TENM1: variants seen among roughly 807,000 people sequenced by gnomAD.
TENM1 encodes teneurin transmembrane protein 1, also known as teneurin-1.
TENM1 carries 35 observed loss-of-function variants against 174.8 expected under a neutral mutation model. The ratio of observed to expected loss-of-function variants is 0.20; its 90% CI spans 0.15 to 0.27. The LOEUF (loss-of-function observed/expected upper bound fraction) is 0.27, where lower values mean the gene tolerates loss of function less well. Ranked by LOEUF, TENM1 falls within the 10% of genes least tolerant of loss-of-function variation. The pLI is 1.00. For missense variants in TENM1, 1,633 were observed against 2,130.1 expected, an observed-to-expected ratio of 0.77 and a Z score of 4.59; for synonymous variants, 781 against 798.7, an observed-to-expected ratio of 0.98 and a Z score of 0.37.
At chrX:125,187,885 A>G in the TENM1 span, among the ~76,000 whole-genome samples, 1 of 112,149 alleles carries the variant, frequency 8.9e-6, no homozygotes, top group Non-Finnish European at 1.9e-5. Context: ...AGTAACCACA[A>G]TGTGAGTTGA....
At chrX:124,399,875 G>T (rs2060380654) in intron 27 of TENM1, among the ~76,000 whole-genome samples, 1 of 111,724 alleles carries the variant, frequency 9.0e-6, no homozygotes, top group African/African-American at 3.3e-5. Context: ...AGGAGACTGA[G>T]GTGGGAGATT....
intron 3 of TENM1, among the ~76,000 whole-genome samples, chrX:124,769,559 C>A (rs1450267458): frequency 1.8e-5 from 2 of 111,742 alleles, no homozygotes; most frequent in African/African-American, 6.5e-5. Context: ...AACATGAACA[C>A]ATATTTAATA....
intron 1 of TENM1, among the ~76,000 whole-genome samples, chrX:124,944,667 T>G (rs2147763446): frequency 9.2e-6 from 1 of 108,546 alleles, no homozygotes; most frequent in Non-Finnish European, 1.9e-5. Context: ...GTTCAAACAC[T>G]GGGACTCAGC....
chrX:124,661,939 A>C (rs1317115021), intron 6 of TENM1, among the ~76,000 whole-genome samples: 2 of 111,238 alleles, frequency 1.8e-5, no homozygotes, highest in African/African-American at 6.6e-5. Flanking sequence ...AGATGCTACC[A>C]CACTTACTGT....
chrX:125,098,522 C>CA, the TENM1 span, among the ~76,000 whole-genome samples: 4 of 111,799 alleles, frequency 3.6e-5, no homozygotes, highest in African/African-American at 1.3e-4. Flanking sequence ...TAAATTCCAA[C>CA]AAAAAATGGC....
At chrX:124,732,931 A>T (rs867954105) in intron 4 of TENM1, among the ~76,000 whole-genome samples, 11 of 111,575 alleles carry the variant, frequency 9.9e-5, no homozygotes, top group Middle Eastern at 4.6e-3. Context: ...GTTCCCGGGG[A>T]CTGACAACAC....
intron 11 of TENM1, among the ~76,000 whole-genome samples, chrX:124,566,504 G>A (rs1943534979): frequency 8.9e-6 from 1 of 112,187 alleles, no homozygotes; most frequent in African/African-American, 3.2e-5. Flanking sequence ...GCTGGAGGAA[G>A]AGAAGTAGGA....
chrX:124,754,693 G>T (rs1254269748), intron 3 of TENM1, among the ~76,000 whole-genome samples: 1 of 108,518 alleles, frequency 9.2e-6, no homozygotes, highest in East Asian at 2.9e-4. Context: ...TTGTGTCTTT[G>T]TTCTCGTTGG....
chrX:124,870,170 C>A (rs112941557), intron 3 of TENM1, among the ~76,000 whole-genome samples: 4,708 of 111,509 alleles, frequency 0.042, 229 homozygotes, highest in African/African-American at 0.15. Flanking sequence ...TCAATCAAAA[C>A]CAGTTATTCA....
chrX:124,799,828 C>T (rs1603211474), intron 3 of TENM1, among the ~76,000 whole-genome samples: 1 of 111,215 alleles, frequency 9.0e-6, no homozygotes. Flanking sequence ...TTGAATTTTA[C>T]CAAAGGCTTT....
At chrX:124,773,423 C>CAA (rs754228033) in intron 3 of TENM1, among the ~76,000 whole-genome samples, 24 of 62,761 alleles carry the variant, frequency 3.8e-4, no homozygotes, top group African/African-American at 1.0e-3. Flanking sequence ...TTTTAGCCTA[C>CAA]AAAAAAAAAA....
the TENM1 span, among the ~76,000 whole-genome samples, chrX:125,151,869 T>C: frequency 8.9e-6 from 1 of 111,893 alleles, no homozygotes; most frequent in East Asian, 2.8e-4. Flanking sequence ...CAAATGTCAA[T>C]AGTGTCTATG....
intron 3 of TENM1, among the ~76,000 whole-genome samples, chrX:124,831,982 C>G (rs944839366): frequency 9.0e-6 from 1 of 111,160 alleles, no homozygotes; most frequent in Non-Finnish European, 1.9e-5. Context: ...AGGGCTTTGC[C>G]GAGACACTAA....
In TENM1 at chrX:124,600,042, A is replaced by G. The variant is rs778891515; in HGVS notation, c.2078-34482T>C. ...TATATATATATGTGTGTGTGTGTGTATATATATATATAAATGTATGTGTAT... is the reference window on the plus strand; with the variant it reads ...TATATATATATGTGTGTGTGTGTGTGTATATATATATAAATGTATGTGTAT... On this transcript the variant is annotated intron_variant, in intron 11 of 31. Coordinates refer to ENST00000422452, the Ensembl canonical transcript of TENM1. Among the ~76,000 whole-genome samples, 10 of 108,099 alleles carry G rather than the reference A, an allele frequency of 9.3e-5. No individual in the cohort carries two copies. In the East Asian group the frequency reaches 1.1e-3, roughly 12 times the overall value. 93.9% of individuals were successfully genotyped at this position (108,099 alleles called of 115,157 possible).
At chrX:125,052,180 A>T in the TENM1 span, among the ~76,000 whole-genome samples, 1 of 111,872 alleles carries the variant, frequency 8.9e-6, no homozygotes, top group African/African-American at 3.2e-5. Context: ...CAGAAACAAT[A>T]TCAAATGTCA....
At chrX:125,166,090 A>G in the TENM1 span, among the ~76,000 whole-genome samples, 1 of 111,470 alleles carries the variant, frequency 9.0e-6, no homozygotes, top group East Asian at 2.8e-4. Flanking sequence ...TAAAAACAAT[A>G]TTAAATATAT....
chrX:125,047,088 C>T, the TENM1 span, among the ~76,000 whole-genome samples: 1 of 110,728 alleles, frequency 9.0e-6, no homozygotes, highest in Non-Finnish European at 1.9e-5. Context: ...CTTCGAGAGG[C>T]CACAAACTGA....
chrX:124,426,114 C>A (rs972624635), intron 23 of TENM1, among the ~76,000 whole-genome samples: 4 of 109,094 alleles, frequency 3.7e-5, no homozygotes, highest in African/African-American at 1.3e-4. Context: ...CATGGCTTCA[C>A]CTTAGTTCCT....
chrX:124,774,437 A>G (rs2054734744), intron 3 of TENM1, among the ~76,000 whole-genome samples: 1 of 111,797 alleles, frequency 8.9e-6, no homozygotes, highest in African/African-American at 3.2e-5. Flanking sequence ...TCTAATAAAC[A>G]TTCTAGAAAA....
Sources: allele counts gnomAD v4.1 joint callset (sites outside exome capture counted in the v4.1 genomes callset), GRCh38; gene constraint gnomAD v4.1.1; transcripts MANE v1.5; gene names NCBI Gene and HGNC (gene_info 2026-07-23, HGNC 2026-07-21).